The following MAGI2 variants were observed in gnomAD, a reference collection of about 807,000 sequenced individuals.
The protein encoded by MAGI2 is membrane-associated guanylate kinase, WW and PDZ domain-containing protein 2.
Under a neutral mutation model 133.3 loss-of-function variants are expected in MAGI2, and 35 were observed. That is an observed-to-expected ratio of 0.26 (90% CI 0.20 to 0.35). The LOEUF (loss-of-function observed/expected upper bound fraction) is 0.35, where lower values mean the gene tolerates loss of function less well. Ranked by LOEUF, MAGI2 falls within the 10% of genes least tolerant of loss-of-function variation. The pLI, the probability that MAGI2 is intolerant of heterozygous loss-of-function variation, is 1.00. For synonymous variants in MAGI2, 729 were observed against 710.6 expected, an observed-to-expected ratio of 1.03 and a Z score of -0.41; for missense variants, 1,636 against 1,863.4, an observed-to-expected ratio of 0.88 and a Z score of 2.25.
rs1233581754 is a variant in MAGI2, at chr7:79,378,615, C to A, written c.301+74405G>T. ...ATATAACAAATTAACATCAATTTTT[C>A]TACATATTCTCTAACCATTAAATTC... On this transcript the variant is annotated intron_variant, in intron 1 of 21. Coordinates refer to ENST00000354212, the MANE Select transcript of MAGI2 (RefSeq NM_012301.4). Among the ~76,000 whole-genome samples, 4 of 151,366 alleles carry A rather than the reference C, an allele frequency of 2.6e-5. No homozygotes were observed. In the Admixed American group the frequency reaches 2.6e-4, roughly 10 times the overall value.
At chr7:78,622,575 A>T (rs1008611928) in intron 3 of MAGI2, among the ~76,000 whole-genome samples, 1 of 152,086 alleles carries the variant, frequency 6.6e-6, no homozygotes, top group African/African-American at 2.4e-5. Context: ...GCAAAAAGAC[A>T]TTCCTTAGTT....
intron 2 of MAGI2, among the ~76,000 whole-genome samples, chr7:78,720,579 AATGAAG>A (rs1820167095): frequency 6.6e-6 from 1 of 152,100 alleles, no homozygotes; most frequent in African/African-American, 2.4e-5. Context: ...TACATTTAAT[AATGAAG>A]ACCACGAGAA....
intron 2 of MAGI2, among the ~76,000 whole-genome samples, chr7:78,930,704 T>C (rs1426115697): frequency 1.3e-5 from 2 of 152,106 alleles, no homozygotes; most frequent in South Asian, 2.1e-4. Context: ...TCAAATGTCT[T>C]TCATGGGTTC....
Position 79,235,105 on chromosome 7 carries a change from CG to C in MAGI2, c.301+217914del, listed in dbSNP as rs545641677. ...GGGGGTGCCTCCCAGTTAGGCTGCT[CG>C]GGGGTCAGGGGTCAGGGACCCACTT... On this transcript the variant is annotated intron_variant, in intron 1 of 21. Coordinates refer to ENST00000354212, the MANE Select transcript of MAGI2 (RefSeq NM_012301.4). Among the ~76,000 whole-genome samples the C allele has an allele frequency of 3.4e-3, 518 of 151,588 alleles. 1 individual carries two copies. Among genetic ancestry groups the C allele is most frequent in the Admixed American group, 6.8e-3 (103 of 15,226 alleles).
chr7:79,047,168 T>C (rs1356351750), intron 1 of MAGI2, among the ~76,000 whole-genome samples: 1 of 152,152 alleles, frequency 6.6e-6, no homozygotes, highest in African/African-American at 2.4e-5. Flanking sequence ...AAAGTTACTA[T>C]ATTAGCCAGC....
intron 9 of MAGI2, among the ~76,000 whole-genome samples, chr7:78,302,957 T>G (rs1277341338): frequency 1.3e-5 from 2 of 152,128 alleles, no homozygotes; most frequent in Non-Finnish European, 2.9e-5. Context: ...CCTAAGTATG[T>G]GATGGAAGCT....
chr7:78,882,097 A>AAAAAAG (rs1795909384), intron 2 of MAGI2, among the ~76,000 whole-genome samples: 1 of 124,606 alleles, frequency 8.0e-6, no homozygotes, highest in African/African-American at 2.8e-5. Context: ...AAAAAAAAAA[A>AAAAAAG]AAAAAAAAAA....
intron 2 of MAGI2, among the ~76,000 whole-genome samples, chr7:78,640,366 C>T (rs1810157307): frequency 6.6e-6 from 1 of 151,784 alleles, no homozygotes; most frequent in African/African-American, 2.4e-5. Context: ...CTGAGAAATG[C>T]AATTATCATC....
intron 1 of MAGI2, among the ~76,000 whole-genome samples, chr7:79,366,450 T>C (rs368341298): frequency 2.4e-4 from 37 of 152,158 alleles, no homozygotes; most frequent in African/African-American, 8.9e-4. Flanking sequence ...GAAGAGATCC[T>C]TGTGGGGTTG....
intron 2 of MAGI2, among the ~76,000 whole-genome samples, chr7:78,923,769 A>G (rs1049789784): frequency 3.9e-5 from 6 of 152,088 alleles, no homozygotes; most frequent in East Asian, 3.9e-4. Context: ...CATTGAATCT[A>G]TAAATTACCT....
intron 1 of MAGI2, among the ~76,000 whole-genome samples, chr7:79,242,837 C>T (rs1378082256): frequency 6.6e-6 from 1 of 152,020 alleles, no homozygotes; most frequent in Non-Finnish European, 1.5e-5. Context: ...TTATTTTTTG[C>T]TAAGCACAAG....
intron 9 of MAGI2, among the ~76,000 whole-genome samples, chr7:78,269,266 A>G (rs1289887275): frequency 1.3e-5 from 2 of 152,190 alleles, no homozygotes; most frequent in Admixed American, 6.5e-5. Flanking sequence ...GAGTCCTTAT[A>G]GTAGAATGAT....
At chr7:78,933,045 G>A (rs911749246) in intron 2 of MAGI2, among the ~76,000 whole-genome samples, 2 of 152,056 alleles carry the variant, frequency 1.3e-5, no homozygotes, top group Non-Finnish European at 1.5e-5. Context: ...TTTACCAGTC[G>A]ATTATTATGC....
intron 2 of MAGI2, among the ~76,000 whole-genome samples, chr7:78,835,397 G>C (rs1471270431): frequency 6.6e-6 from 1 of 152,168 alleles, no homozygotes; most frequent in Non-Finnish European, 1.5e-5. Flanking sequence ...ATGTGAATAT[G>C]ATTTGGTTTA....
chr7:79,219,089 C>A (rs934176181), intron 1 of MAGI2, among the ~76,000 whole-genome samples: 2 of 151,972 alleles, frequency 1.3e-5, no homozygotes, highest in Admixed American at 1.3e-4. Flanking sequence ...AATTCTAGCA[C>A]TATAATAACA....
intron 6 of MAGI2, among the ~76,000 whole-genome samples, chr7:78,480,408 AATAGACACAAAATCACAAAAC>A (rs1792232251): frequency 6.6e-6 from 1 of 151,966 alleles, no homozygotes; most frequent in African/African-American, 2.4e-5. Context: ...AGTATTTCTC[AATAGACACAAAATCACAAAAC>A]ATAGACACAA....
At chr7:78,110,697 G>T (rs1819272187) in intron 20 of MAGI2, among the ~76,000 whole-genome samples, 1 of 152,194 alleles carries the variant, frequency 6.6e-6, no homozygotes, top group African/African-American at 2.4e-5. Context: ...GCAGGAGTCA[G>T]ATCTTTTCAA....
At chr7:79,097,563 C>A (rs893206962) in intron 1 of MAGI2, among the ~76,000 whole-genome samples, 1 of 152,056 alleles carries the variant, frequency 6.6e-6, no homozygotes, top group African/African-American at 2.4e-5. Flanking sequence ...AGAGATAGAA[C>A]CTCAGGGGTA....
intron 2 of MAGI2, among the ~76,000 whole-genome samples, chr7:78,958,955 T>C (rs988510431): frequency 1.3e-5 from 2 of 152,190 alleles, no homozygotes; most frequent in African/African-American, 2.4e-5. Context: ...AGAAAATTCT[T>C]TGTTGCATGC....
Sources: allele counts gnomAD v4.1 joint callset (sites outside exome capture counted in the v4.1 genomes callset), GRCh38; gene constraint gnomAD v4.1.1; transcripts MANE v1.5; gene names NCBI Gene and HGNC (gene_info 2026-07-23, HGNC 2026-07-21).